The following FMN2 variants were observed in gnomAD, a reference collection of about 807,000 sequenced individuals.
FMN2 encodes formin 2.
FMN2 carries 51 observed loss-of-function variants against 142.3 expected under a neutral mutation model. The observed-to-expected ratio is 0.36, with a 90% CI of 0.29 to 0.45. FMN2 has a LOEUF of 0.45. Among genes scored for constraint, FMN2 ranks in the 20% least tolerant of loss-of-function variants. The pLI is 1.00. For missense variants in FMN2, 1,936 were observed against 2,122.8 expected, an observed-to-expected ratio of 0.91 and a Z score of 1.73; for synonymous variants, 882 against 869.8, an observed-to-expected ratio of 1.01 and a Z score of -0.25.
intron 15 of FMN2, among the ~76,000 whole-genome samples, chr1:240,394,464 A>G (rs534189991): frequency 1.1e-4 from 16 of 152,300 alleles, no homozygotes; most frequent in African/African-American, 2.9e-4. Flanking sequence ...GGGGTCATGA[A>G]GTTTAAGGTA....
chr1:240,429,917 G>A (rs1315804773), intron 15 of FMN2, among the ~76,000 whole-genome samples: 2 of 146,408 alleles, frequency 1.4e-5, no homozygotes, highest in African/African-American at 5.2e-5. Flanking sequence ...GCAGAGTCTC[G>A]CTCTGCCGCC....
At chr1:240,354,582 G>A (rs945786942) in intron 13 of FMN2, among the ~76,000 whole-genome samples, 5 of 152,092 alleles carry the variant, frequency 3.3e-5, no homozygotes, top group Admixed American at 1.3e-4. Context: ...AGAAGCAGAC[G>A]GGCAGAGAGA....
intron 8 of FMN2, among the ~76,000 whole-genome samples, chr1:240,302,657 T>TGGA (rs532744298): frequency 2.6e-5 from 4 of 152,190 alleles, no homozygotes; most frequent in African/African-American, 9.6e-5. Flanking sequence ...ATTTGCAATA[T>TGGA]CTAATATAAT....
In FMN2 at chr1:240,177,971, G is replaced by A. The variant is rs1664991489; in HGVS notation, c.1833G>A (p.Leu611=). 1 of 1,611,462 alleles carries A rather than the reference G, an allele frequency of 6.2e-7. No homozygotes were observed. The highest frequency in any genetic ancestry group is 1.1e-5 in the South Asian group (1 of 90,558). The part of the protein sequence containing the change: ...WAAVSQPTHS[L]DYSEGQFPRR... ...CAGTTAGTCAACCCACACACTCATT[G>A]GACTATTCAGAAGGGCAGTTTCCTA... is the stretch of plus-strand genomic sequence containing the variant. Residue 611 remains leucine, a synonymous_variant, in exon 3 of 18, where the codon TTG becomes TTA. Transcript: ENST00000319653.
intron 15 of FMN2, among the ~76,000 whole-genome samples, chr1:240,413,667 C>G (rs1170181303): frequency 6.6e-6 from 1 of 152,122 alleles, no homozygotes; most frequent in Non-Finnish European, 1.5e-5. Flanking sequence ...AGTCAAAGTG[C>G]CCCAGTAGCT....
At chr1:240,173,225 C>G (rs1221504145) in intron 2 of FMN2, among the ~76,000 whole-genome samples, 1 of 152,134 alleles carries the variant, frequency 6.6e-6, no homozygotes, top group African/African-American at 2.4e-5. Context: ...TGTGAGCCAC[C>G]ACGCCCGGCC....
chr1:240,471,768 G>C (rs1676819466), intron 16 of FMN2: 1 of 152,516 alleles, frequency 6.6e-6, no homozygotes, highest in Non-Finnish European at 1.5e-5. Flanking sequence ...CAGAGGTGCT[G>C]ATCACAGCTC....
chr1:240,368,580 T>C, intron 14 of FMN2, among the ~76,000 whole-genome samples: 2 of 77,848 alleles, frequency 2.6e-5, no homozygotes, highest in African/African-American at 2.6e-4. Flanking sequence ...CAATTTGAGA[T>C]ATTAAAAAAT....
chr1:240,248,692 C>G (rs1200787499), intron 6 of FMN2, among the ~76,000 whole-genome samples: 1 of 151,712 alleles, frequency 6.6e-6, no homozygotes, highest in East Asian at 1.9e-4. Context: ...TCCATAGTGA[C>G]TGTACTAATT....
intron 6 of FMN2, among the ~76,000 whole-genome samples, chr1:240,249,085 A>G (rs1303725289): frequency 6.6e-6 from 1 of 152,130 alleles, no homozygotes; most frequent in Admixed American, 6.6e-5. Context: ...TTTGCTGTCC[A>G]GAAGCTTTTT....
intron 14 of FMN2, among the ~76,000 whole-genome samples, chr1:240,372,307 G>C (rs1386962209): frequency 1.3e-5 from 2 of 152,150 alleles, no homozygotes; most frequent in African/African-American, 4.8e-5. Flanking sequence ...TGCCAAATCT[G>C]ACAGATTGAT....
chr1:240,363,698 G>A (rs1236079314), intron 14 of FMN2, among the ~76,000 whole-genome samples: 3 of 151,814 alleles, frequency 2.0e-5, no homozygotes, highest in African/African-American at 7.3e-5. Context: ...AAGCTCTCAA[G>A]GTCCTGCCAG....
intron 6 of FMN2, among the ~76,000 whole-genome samples, chr1:240,245,794 A>G (rs1668060563): frequency 6.6e-6 from 1 of 152,160 alleles, no homozygotes; most frequent in Non-Finnish European, 1.5e-5. Context: ...TTCATTCCCC[A>G]GGCCTTCTGT....
At chr1:240,222,390 T>G (rs989843224) in intron 6 of FMN2, among the ~76,000 whole-genome samples, 1 of 152,194 alleles carries the variant, frequency 6.6e-6, no homozygotes, top group African/African-American at 2.4e-5. Context: ...TTGGTTACTG[T>G]AGCCTTGTAG....
chr1:240,452,995 TATA>T (rs2103212839), intron 16 of FMN2, among the ~76,000 whole-genome samples: 1 of 152,284 alleles, frequency 6.6e-6, no homozygotes, highest in African/African-American at 2.4e-5. Context: ...GGATTTGATG[TATA>T]TCTCTGAGAG....
chr1:240,445,197 AG>A (rs1451772933), intron 16 of FMN2, among the ~76,000 whole-genome samples: 1 of 152,230 alleles, frequency 6.6e-6, no homozygotes, highest in Non-Finnish European at 1.5e-5. Context: ...TAAGACAGTA[AG>A]TAATGCATTC....
chr1:240,336,385 A>C (rs1327896357), intron 13 of FMN2, among the ~76,000 whole-genome samples: 1 of 151,984 alleles, frequency 6.6e-6, no homozygotes, highest in Non-Finnish European at 1.5e-5. Flanking sequence ...CTTATTTTTC[A>C]GATATCATCA....
Position 240,333,893 on chromosome 1 carries a change from A to T in FMN2, c.4591A>T (p.Ser1531Cys), listed in dbSNP as rs781097988. The T allele has an allele frequency of 2.5e-6, 4 of 1,606,098 alleles. No individual in the cohort carries two copies. Among genetic ancestry groups the T allele is most frequent in the Admixed American group, 3.4e-5 (2 of 59,236 alleles). The part of the protein sequence containing the change: ...KLKDVKSSDN[S>C]RSLLSYIVSY... ...CTTTGGTCTTTCTGCCTAGGACAAT[A>T]GCAGAAGCCTTTTGTCATATATTGT... is the stretch of plus-strand genomic sequence containing the variant. Residue 1531 changes from serine (S) to cysteine (C), a missense_variant, in exon 12 of 18, where the codon AGC becomes TGC. Ser to Cys is a moderately radical substitution (Grantham distance 112). Around this residue, in one of 8 missense-constraint regions of FMN2, gnomAD observed 322 missense variants for 401.6 expected, o/e 0.80. Transcript: ENST00000319653.
At chr1:240,361,179 ATATAT>A (rs1558452693) in intron 14 of FMN2, among the ~76,000 whole-genome samples, 6 of 105,992 alleles carry the variant, frequency 5.7e-5, no homozygotes, top group Middle Eastern at 4.7e-3. Flanking sequence ...ATATATATAT[ATATAT>A]AAAAGAGTTT....
Sources: gnomAD v4.1 joint callset for allele counts (sites outside exome capture counted in the v4.1 genomes callset) on GRCh38, gnomAD v4.1.1 for gene constraint, gnomAD v4.1.1 regional missense constraint, MANE v1.5 for transcripts, NCBI Gene and HGNC (gene_info 2026-07-23, HGNC 2026-07-21) for gene names.